DNAJB6: variants seen among roughly 807,000 people sequenced by gnomAD.
DNAJB6 encodes the protein DnaJ heat shock protein family (Hsp40) member B6.
A neutral mutation model predicts 42.7 loss-of-function variants in DNAJB6; 16 were observed. The observed-to-expected ratio is 0.37, with a 90% CI of 0.25 to 0.57. DNAJB6 has a LOEUF of 0.57. Among genes scored for constraint, DNAJB6 ranks in the 20% least tolerant of loss-of-function variants. The pLI, the probability that DNAJB6 is intolerant of heterozygous loss-of-function variation, is 0.74. For missense variants in DNAJB6, 347 were observed against 416.8 expected (o/e 0.83, Z 1.46); for synonymous variants, 170 against 163.5 (o/e 1.04, Z -0.30).
intron 1 of DNAJB6, among the ~76,000 whole-genome samples, chr7:157,341,767 G>A (rs560803057): frequency 1.3e-5 from 2 of 152,178 alleles, no homozygotes; most frequent in Non-Finnish European, 2.9e-5. Flanking sequence ...TTTCTAGTTT[G>A]TGTATGTCCT....
At chr7:157,363,962 G>T (rs977001098) in intron 3 of DNAJB6, among the ~76,000 whole-genome samples, 3 of 152,172 alleles carry the variant, frequency 2.0e-5, no homozygotes, top group Non-Finnish European at 4.4e-5. Flanking sequence ...CCTGTCTGCT[G>T]CAGTGCTGGG....
chr7:157,338,673 C>G (rs1463944390), intron 1 of DNAJB6, among the ~76,000 whole-genome samples: 1 of 152,192 alleles, frequency 6.6e-6, no homozygotes, highest in Non-Finnish European at 1.5e-5. Flanking sequence ...CCTTAAGCTC[C>G]CTTGGAGTTT....
chr7:157,341,873 G>A (rs960215840), intron 1 of DNAJB6, among the ~76,000 whole-genome samples: 15 of 152,196 alleles, frequency 9.9e-5, no homozygotes, highest in African/African-American at 3.1e-4. Flanking sequence ...TTAACCGAGT[G>A]TTGCTTTGTT....
chr7:157,404,620 T>C (rs2117188617), intron 8 of DNAJB6, among the ~76,000 whole-genome samples: 1 of 151,770 alleles, frequency 6.6e-6, no homozygotes, highest in East Asian at 1.9e-4. Context: ...AAGCGATTCT[T>C]ATGCTTGAGC....
chr7:157,345,481 A>G (rs184563627), intron 1 of DNAJB6, among the ~76,000 whole-genome samples: 1 of 151,460 alleles, frequency 6.6e-6, no homozygotes, highest in Admixed American at 6.6e-5. Context: ...CACTCAGCTA[A>G]TTTTTTTTAT....
chr7:157,346,559 T>G (rs184315609), intron 1 of DNAJB6, among the ~76,000 whole-genome samples: 1 of 152,278 alleles, frequency 6.6e-6, no homozygotes, highest in East Asian at 1.9e-4. Flanking sequence ...ACACTGTTTT[T>G]GAGAGGTCTG....
chr7:157,384,701 T>TG (rs1800964981), intron 6 of DNAJB6, among the ~76,000 whole-genome samples, 166 bp from the exon 7 acceptor site: 1 of 152,230 alleles, frequency 6.6e-6, no homozygotes, highest in African/African-American at 2.4e-5. Context: ...TCTTTCCCCC[T>TG]GGGCACCCCA....
In DNAJB6 at chr7:157,405,321, C is replaced by T. The variant is rs569672932; in HGVS notation, c.692-4474C>T. On this transcript the variant is annotated intron_variant, in intron 8 of 9. Transcript: ENST00000262177. The stretch of plus-strand genomic sequence containing the variant: ...GAAGTGTGCTGAGTTGTGTGTTCCT[C>T]GGCCCTCTGTGTGGCGCCTGCTTCC... 2.6e-4 allele frequency among the ~76,000 whole-genome samples: 39 copies of T among 152,274 alleles called. No individual in the cohort carries two copies. The East Asian group carries it at 6.4e-3, about 25-fold the overall frequency.
chr7:157,404,565 C>T (rs1304808953), intron 8 of DNAJB6, among the ~76,000 whole-genome samples: 2 of 141,156 alleles, frequency 1.4e-5, no homozygotes, highest in East Asian at 2.1e-4. Flanking sequence ...GCCTGGAGTG[C>T]AGTGGTGCAA....
At chr7:157,377,650 C>G (rs929316433) in intron 5 of DNAJB6, among the ~76,000 whole-genome samples, 1 of 152,112 alleles carries the variant, frequency 6.6e-6, no homozygotes, top group African/African-American at 2.4e-5. Context: ...GGTGATTGGT[C>G]GAGGCCCATC....
At chr7:157,343,928 C>G (rs982122032) in intron 1 of DNAJB6, among the ~76,000 whole-genome samples, 3 of 151,946 alleles carry the variant, frequency 2.0e-5, no homozygotes, top group Non-Finnish European at 4.4e-5. Context: ...ATTAACAAAC[C>G]GAGTTTTCCT....
chr7:157,359,744 A>T (rs1188370427), intron 2 of DNAJB6, among the ~76,000 whole-genome samples: 1 of 152,216 alleles, frequency 6.6e-6, no homozygotes, highest in Non-Finnish European at 1.5e-5. Context: ...GCTTGAGCCC[A>T]GGAGGTTGAG....
At chr7:157,385,744 T>G (rs1584928186) in intron 8 of DNAJB6, 133 bp downstream of exon 8, 4 of 1,498,192 alleles carry the variant, frequency 2.7e-6, no homozygotes, top group South Asian at 2.6e-5. Flanking sequence ...AACTCGACTT[T>G]CAGTATAATT....
intron 1 of DNAJB6, among the ~76,000 whole-genome samples, chr7:157,337,349 G>A (rs1015185613): frequency 4.0e-5 from 6 of 151,296 alleles, no homozygotes; most frequent in African/African-American, 1.5e-4. Flanking sequence ...CTGGGGCCGG[G>A]GCCGGGGCTG....
intron 5 of DNAJB6, chr7:157,380,276 C>T (rs1313892902): frequency 2.0e-5 from 3 of 152,176 alleles, no homozygotes; most frequent in Non-Finnish European, 4.4e-5. Context: ...GCTATGGCTG[C>T]AAAGTAGAAA....
chr7:157,379,805 CTTTTTTTTTTT>C (rs57417414), intron 5 of DNAJB6: 54,430 of 122,506 alleles, frequency 0.44, 11,267 homozygotes, highest in Middle Eastern at 0.54. Context: ...GCAGAAATGC[CTTTTTTTTTTT>C]TTTTTTTTTT....
rs190028439 is a variant in DNAJB6 at position 157,337,068 on chromosome 7, C to T, written c.-103C>T. Reference sequence around the variant, plus strand: ...GGAGCCGCCGCCACCACCAGCGCAGCAGTCCTGGAGCTGTGAGGAGATTCG... The same window carrying T: ...GGAGCCGCCGCCACCACCAGCGCAGTAGTCCTGGAGCTGTGAGGAGATTCG... On this transcript the variant is annotated 5_prime_UTR_variant, in exon 1 of 10. Transcript: ENST00000262177. 4.3e-3 allele frequency: 658 copies of T among 152,692 alleles called. 5 individuals carry two copies. The highest frequency in any genetic ancestry group is 0.015 in the African/African-American group (626 of 41,582). 9.5% of individuals were successfully genotyped at this position (152,692 alleles called of 1,614,324 possible). A position where few individuals can be genotyped will look rare whatever the true frequency, so the allele number is the denominator to read the frequency against.
intron 5 of DNAJB6, chr7:157,378,839 A>AACCAGCACATG (rs1800607070): frequency 6.6e-6 from 1 of 152,054 alleles, no homozygotes. Context: ...TCTTACTTGA[A>AACCAGCACATG]ATAAGGACTT....
intron 1 of DNAJB6, among the ~76,000 whole-genome samples, chr7:157,345,778 G>A (rs1177430649): frequency 6.6e-6 from 1 of 152,156 alleles, no homozygotes; most frequent in East Asian, 1.9e-4. Flanking sequence ...CTTTTGAGCA[G>A]CATGGTTTTA....
Sources: gnomAD v4.1 joint callset for allele counts (sites outside exome capture counted in the v4.1 genomes callset) on GRCh38, gnomAD v4.1.1 for gene constraint, MANE v1.5 for transcripts, NCBI Gene and HGNC (gene_info 2026-07-23, HGNC 2026-07-21) for gene names.